The following PLD5 variants were observed in gnomAD, a reference collection of about 807,000 sequenced individuals.
The protein encoded by PLD5 is phospholipase D family member 5.
PLD5 carries 36 observed loss-of-function variants against 61.1 expected under a neutral mutation model. The observed-to-expected ratio is 0.59, with a 90% confidence interval of 0.45 to 0.78. PLD5 has a LOEUF of 0.78. Ranked by LOEUF, PLD5 falls within the 30% of genes least tolerant of loss-of-function variation. The pLI, the probability that PLD5 is intolerant of heterozygous loss-of-function variation, is 0.00. For missense variants in PLD5, 515 were observed against 644.4 expected (o/e 0.80, Z 2.17); for synonymous variants, 243 against 242.8 (o/e 1.00, Z -0.01).
At chr1:242,271,950 T>C (rs1296216558) in intron 3 of PLD5, among the ~76,000 whole-genome samples, 2 of 151,870 alleles carry the variant, frequency 1.3e-5, no homozygotes, top group Non-Finnish European at 2.9e-5. Context: ...ACTCTTTCGA[T>C]GACTAACACA....
chr1:242,211,108 G>A (rs1669790379), intron 5 of PLD5, among the ~76,000 whole-genome samples: 2 of 152,206 alleles, frequency 1.3e-5, no homozygotes, highest in Non-Finnish European at 2.9e-5. Context: ...GATCATCGAT[G>A]AAGCTGGATA....
chr1:242,241,910 T>TAC (rs1553334448), intron 4 of PLD5, among the ~76,000 whole-genome samples: 2,557 of 50,032 alleles, frequency 0.051, 128 homozygotes, highest in Middle Eastern at 0.083. Flanking sequence ...TATATATATA[T>TAC]ACTTACTGTA....
In PLD5 at chr1:242,325,353, GGC is replaced by G. The variant is rs1253389072; in HGVS notation, c.326+22751_326+22752del. On this transcript the variant is annotated intron_variant, in intron 2 of 9. Transcript: ENST00000536534. ...ATAGGTAAGGGTGTTAAGCCTGCAT[GGC>G]GAGATATATATATATATAGGGAGAG... Among the ~76,000 whole-genome samples the G allele has an allele frequency of 4.5e-4, 9 of 20,076 alleles. No individual in the cohort carries two copies. In the South Asian group the frequency reaches 0.016, roughly 35 times the overall value. The allele number at this position is 20,076 out of a possible 152,430, so 13.2% of individuals were successfully genotyped here.
chr1:242,243,714 A>C (rs1672197830), intron 4 of PLD5, among the ~76,000 whole-genome samples: 1 of 152,206 alleles, frequency 6.6e-6, no homozygotes, highest in Non-Finnish European at 1.5e-5. Flanking sequence ...TACTATAGAC[A>C]GAAGCCTCTC....
At chr1:242,308,112 A>G (rs1228230985) in intron 2 of PLD5, among the ~76,000 whole-genome samples, 1 of 152,148 alleles carries the variant, frequency 6.6e-6, no homozygotes, top group East Asian at 1.9e-4. Context: ...CTTTTCATTC[A>G]TATTCACATT....
chr1:242,387,028 C>T (rs1379345019), intron 1 of PLD5, among the ~76,000 whole-genome samples: 2 of 152,136 alleles, frequency 1.3e-5, no homozygotes, highest in Admixed American at 6.5e-5. Flanking sequence ...GTAGATTTGG[C>T]AAATCTTAAC....
intron 1 of PLD5, among the ~76,000 whole-genome samples, chr1:242,522,042 C>T (rs142927207): frequency 1.6e-4 from 24 of 152,024 alleles, no homozygotes; most frequent in African/African-American, 5.1e-4. Context: ...TAAAAATGTT[C>T]GTGATGTTTC....
intron 5 of PLD5, among the ~76,000 whole-genome samples, chr1:242,187,149 A>T (rs1667958675): frequency 6.6e-6 from 1 of 152,208 alleles, no homozygotes; most frequent in South Asian, 2.1e-4. Flanking sequence ...GTGAAATGTA[A>T]GAGAAGTGCC....
intron 2 of PLD5, among the ~76,000 whole-genome samples, chr1:242,313,223 C>T (rs1676808771): frequency 6.6e-6 from 1 of 152,222 alleles, no homozygotes; most frequent in African/African-American, 2.4e-5. Context: ...TGGCACAATG[C>T]TGCCTTAATT....
intron 4 of PLD5, among the ~76,000 whole-genome samples, chr1:242,244,677 CA>C (rs1672260207): frequency 1.3e-5 from 2 of 152,124 alleles, no homozygotes; most frequent in African/African-American, 4.8e-5. Flanking sequence ...GAATGCACTG[CA>C]AAAAATTCAG....
intron 5 of PLD5, among the ~76,000 whole-genome samples, chr1:242,199,841 T>C (rs2148953133): frequency 6.6e-6 from 1 of 152,334 alleles, no homozygotes; most frequent in African/African-American, 2.4e-5. Context: ...GCAAAAGACA[T>C]GATTTCATTC....
At chr1:242,493,504 C>T (rs1044763031) in intron 1 of PLD5, among the ~76,000 whole-genome samples, 1 of 152,210 alleles carries the variant, frequency 6.6e-6, no homozygotes, top group African/African-American at 2.4e-5. Flanking sequence ...AATGAGACAC[C>T]TTTGGCAGGG....
chr1:242,201,600 C>T (rs944173049), intron 5 of PLD5, among the ~76,000 whole-genome samples: 15 of 152,054 alleles, frequency 9.9e-5, no homozygotes, highest in South Asian at 2.1e-4. Flanking sequence ...AAACCCACTG[C>T]GGCCTTAAAC....
chr1:242,216,864 A>G (rs1307234121), intron 5 of PLD5, among the ~76,000 whole-genome samples: 1 of 152,246 alleles, frequency 6.6e-6, no homozygotes, highest in African/African-American at 2.4e-5. Context: ...TGACTCTGTT[A>G]GGTGCTGATG....
At chr1:242,259,686 GC>G (rs1337772588) in intron 4 of PLD5, among the ~76,000 whole-genome samples, 1 of 151,354 alleles carries the variant, frequency 6.6e-6, no homozygotes, top group Non-Finnish European at 1.5e-5. Flanking sequence ...ACAAATAAAA[GC>G]CTGCTTTTTT....
At chr1:242,411,055 T>A (rs1267512298) in intron 1 of PLD5, among the ~76,000 whole-genome samples, 1 of 152,134 alleles carries the variant, frequency 6.6e-6, no homozygotes, top group Non-Finnish European at 1.5e-5. Context: ...AAAATGATGA[T>A]CTAAGATGAC....
chr1:242,499,952 C>T (rs77410510), intron 1 of PLD5, among the ~76,000 whole-genome samples: 8,538 of 152,208 alleles, frequency 0.056, 514 homozygotes, highest in African/African-American at 0.15. Context: ...AACGGGGGCT[C>T]AACTGGGATG....
At chr1:242,442,008 T>C (rs1354913151) in intron 1 of PLD5, among the ~76,000 whole-genome samples, 5 of 152,246 alleles carry the variant, frequency 3.3e-5, no homozygotes. Flanking sequence ...TGTAAGCTTC[T>C]GTATAAAGCA....
intron 5 of PLD5, among the ~76,000 whole-genome samples, chr1:242,172,601 GA>G (rs1196894178): frequency 6.6e-6 from 1 of 151,972 alleles, no homozygotes; most frequent in East Asian, 1.9e-4. Context: ...CTGGATTTTT[GA>G]AAAGATCAAC....
Sources: allele counts gnomAD v4.1 joint callset (sites outside exome capture counted in the v4.1 genomes callset), GRCh38; gene constraint gnomAD v4.1.1; transcripts MANE v1.5; gene names NCBI Gene and HGNC (gene_info 2026-07-23, HGNC 2026-07-21).